Variants in CREM observed in about 807,000 individuals in gnomAD.
CREM encodes cAMP responsive element modulator, also known as cAMP-responsive element modulator.
CREM carries 13 observed loss-of-function variants against 37.3 expected under a neutral mutation model. That is an observed-to-expected ratio of 0.35 (90% CI 0.23 to 0.55). The LOEUF (loss-of-function observed/expected upper bound fraction) is 0.55. Ranked by LOEUF, CREM falls within the 20% of genes least tolerant of loss-of-function variation. The pLI, the probability that CREM is intolerant of heterozygous loss-of-function variation, is 0.88. For missense variants in CREM, 296 were observed against 362.3 expected (o/e 0.82, Z 1.49); for synonymous variants, 124 against 120.2 (o/e 1.03, Z -0.21).
intron 6 of CREM, chr10:35,201,540 C>T: frequency 6.4e-7 from 1 of 1,550,472 alleles, no homozygotes; most frequent in Non-Finnish European, 8.7e-7. Flanking sequence ...GCTTTTTCTG[C>T]TGTACCGTGT....
At chr10:35,148,604 C>A in intron 3 of CREM, 113 bp downstream of exon 3, 2 of 1,181,480 alleles carry the variant, frequency 1.7e-6, no homozygotes, top group Non-Finnish European at 1.2e-6. Flanking sequence ...TGGTTATCAG[C>A]CATTCTTGCT....
intron 7 of CREM, among the ~76,000 whole-genome samples, chr10:35,208,701 G>A (rs1352832256): frequency 1.3e-5 from 2 of 152,322 alleles, no homozygotes; most frequent in East Asian, 3.9e-4. Flanking sequence ...AAGGGCTAGA[G>A]CCAAAAATTG....
At chr10:35,158,798 G>GTGTTTTTTTTT (rs2093078412) in intron 3 of CREM, among the ~76,000 whole-genome samples, 3 of 100,840 alleles carry the variant, frequency 3.0e-5, no homozygotes, top group African/African-American at 1.1e-4. Context: ...CAAATATAGT[G>GTGTTTTTTTTT]TTTTTTTTTT....
intron 6 of CREM, among the ~76,000 whole-genome samples, chr10:35,203,338 G>A (rs1216444002): frequency 6.6e-6 from 1 of 152,144 alleles, no homozygotes; most frequent in African/African-American, 2.4e-5. Context: ...GAGCCACCAT[G>A]TCTGCCCTTG....
intron 3 of CREM, among the ~76,000 whole-genome samples, chr10:35,151,086 ATGG>A: frequency 6.6e-6 from 1 of 152,194 alleles, no homozygotes; most frequent in Non-Finnish European, 1.5e-5. Flanking sequence ...ATAGAGAAAG[ATGG>A]GTTTGTGAAA....
intron 3 of CREM, among the ~76,000 whole-genome samples, chr10:35,165,076 A>AAAAT (rs2093480283): frequency 1.3e-5 from 2 of 151,118 alleles, no homozygotes; most frequent in African/African-American, 4.9e-5. Context: ...AAAAAAAAAA[A>AAAAT]AAGAAAAGGA....
chr10:35,212,268 A>G lies in CREM; in HGVS notation c.*870A>G, dbSNP rs1243108834. 1.3e-5 allele frequency: 2 copies of G among 152,470 alleles called. No individual in the cohort carries two copies. The highest frequency in any genetic ancestry group is 6.6e-5 in the Admixed American group (1 of 15,254). 9.4% of individuals were successfully genotyped at this position (152,470 alleles called of 1,614,324 possible). Reference sequence around the variant, plus strand: ...AGAAGAATAGCCTAGATATGAATATATGGCATTTGCAGATTTTTATATTAG... The same window carrying G: ...AGAAGAATAGCCTAGATATGAATATGTGGCATTTGCAGATTTTTATATTAG... On this transcript the variant is annotated 3_prime_UTR_variant, in exon 8 of 8. Transcript: ENST00000685392.
At chr10:35,138,943 T>A (rs1029289235) in intron 2 of CREM, among the ~76,000 whole-genome samples, 1 of 151,830 alleles carries the variant, frequency 6.6e-6, no homozygotes, top group Non-Finnish European at 1.5e-5. Flanking sequence ...AAAAAAACAA[T>A]AGATATATTA....
rs768611725 is a variant in CREM, at chr10:35,211,264, C to T, written c.766C>T (p.Arg256Trp). Residue 256 changes from arginine to tryptophan, a missense_variant, in exon 8 of 8, where the codon CGG becomes TGG. By Grantham distance (101) the Arg-to-Trp change is moderately radical. This residue lies in a region of CREM where 39 missense variants were observed against 82.0 expected (regional missense o/e 0.48). Coordinates refer to ENST00000685392, the MANE Select transcript of CREM (RefSeq NM_183011.2). ...TTGTGTTGCTTCCAGGGAAGCTGCC[C>T]GGGAGTGTCGCAGGAAGAAGAAAGA... is the stretch of plus-strand genomic sequence containing the variant. The part of the protein sequence containing the change: ...LRLMKNREAA[R>W]ECRRKKKEYV... The T allele has an allele frequency of 5.6e-6, 9 of 1,612,522 alleles. No homozygotes were observed. Among genetic ancestry groups the T allele is most frequent in the Admixed American group, 1.7e-5 (1 of 59,844 alleles).
chr10:35,161,468 T>A (rs2093289586), intron 3 of CREM, among the ~76,000 whole-genome samples: 1 of 151,788 alleles, frequency 6.6e-6, no homozygotes, highest in African/African-American at 2.4e-5. Flanking sequence ...GACTCCAGCC[T>A]GGGCAACACA....
At chr10:35,188,101 G>A in intron 5 of CREM, 99 bp from the exon 6 acceptor site, 1 of 1,159,902 alleles carries the variant, frequency 8.6e-7, no homozygotes, top group Non-Finnish European at 1.2e-6. Flanking sequence ...TGAGAAAGAA[G>A]CAATGGTAAT....
At chr10:35,198,251 G>A (rs979852837) in intron 6 of CREM, among the ~76,000 whole-genome samples, 27 of 152,236 alleles carry the variant, frequency 1.8e-4, no homozygotes, top group Admixed American at 1.2e-3. Context: ...CTGGCCGGGC[G>A]CGGTGGCTCA....
rs1026568759 is a variant in CREM at position 35,173,367 on chromosome 10, C to A, written c.169-5522C>A. Among the ~76,000 whole-genome samples, 7 of 152,074 alleles carry A rather than the reference C, an allele frequency of 4.6e-5. 1 individual carries two copies. Among genetic ancestry groups the A allele is most frequent in the Admixed American group, 3.9e-4 (6 of 15,252 alleles). ...GTGAGGCCCAGATTTTCTTCACATA[C>A]CAACTAAAGCAACATACTGCAACAG... On this transcript the variant is annotated intron_variant, in intron 3 of 7. Coordinates refer to ENST00000685392, the MANE Select transcript of CREM (RefSeq NM_183011.2).
intron 7 of CREM, 86 bp downstream of exon 7, chr10:35,207,137 A>G: frequency 1.4e-6 from 2 of 1,419,214 alleles, no homozygotes; most frequent in Non-Finnish European, 1.9e-6. Flanking sequence ...TCACGCCTGT[A>G]ATCCCAGCAC....
chr10:35,189,337 A>T (rs1345305504), intron 6 of CREM, among the ~76,000 whole-genome samples: 7 of 152,118 alleles, frequency 4.6e-5, no homozygotes, highest in Non-Finnish European at 1.0e-4. Flanking sequence ...GATTTGCGTT[A>T]TACATTATTT....
chr10:35,184,758 G>A (rs995028274), intron 5 of CREM, among the ~76,000 whole-genome samples: 6 of 151,956 alleles, frequency 3.9e-5, no homozygotes, highest in Admixed American at 6.6e-5. Context: ...GAACTGTGGG[G>A]AAACATTACT....
intron 7 of CREM, among the ~76,000 whole-genome samples, chr10:35,208,465 C>T (rs1346072744): frequency 6.6e-6 from 1 of 151,988 alleles, no homozygotes; most frequent in Non-Finnish European, 1.5e-5. Flanking sequence ...GCAAATTAAT[C>T]TGATTTTCAA....
At chr10:35,134,931 A>G (rs1213393) in intron 1 of CREM, among the ~76,000 whole-genome samples, 147,379 of 152,074 alleles carry the variant, frequency 0.97, 71,589 homozygotes, top group East Asian at 1. Context: ...CCAGCTACTC[A>G]GGAGGCTGAG....
intron 3 of CREM, 160 bp downstream of exon 3, chr10:35,148,651 G>A: frequency 1.3e-6 from 1 of 797,132 alleles, no homozygotes. Context: ...GTTGTAATTA[G>A]CCTTGCATTT....
Sources: allele counts gnomAD v4.1 joint callset (sites outside exome capture counted in the v4.1 genomes callset), GRCh38; gene constraint gnomAD v4.1.1; regional missense constraint gnomAD v4.1.1; transcripts MANE v1.5; gene names NCBI Gene and HGNC (gene_info 2026-07-23, HGNC 2026-07-21).